Variants in GRIA1 observed in about 807,000 individuals in gnomAD.
The protein encoded by GRIA1 is glutamate receptor 1.
Under a neutral mutation model 99.2 loss-of-function variants are expected in GRIA1, and 31 were observed. That is an observed-to-expected ratio of 0.31 (90% confidence interval 0.23 to 0.42). GRIA1 has a LOEUF of 0.42. Among genes scored for constraint, GRIA1 ranks in the 10% least tolerant of loss-of-function variants. The pLI is 1.00. For synonymous variants in GRIA1, 438 were observed against 432.4 expected (o/e 1.01, Z -0.16); for missense variants, 782 against 1,157.5 (o/e 0.68, Z 4.71).
At position 153,796,995 on chromosome 5, in the gene GRIA1, T is replaced by G. The variant is rs770829717; in HGVS notation, c.2385+2260T>G. ...TTGGCCATCTGGAAGGACCTGGGAA[T>G]TCACACAATGATGCTCTGCTCCGCT... On this transcript the variant is annotated intron_variant, in intron 14 of 15. Coordinates refer to ENST00000285900, the MANE Select transcript of GRIA1 (RefSeq NM_000827.4). 5.0e-4 allele frequency among the ~76,000 whole-genome samples: 76 copies of G among 152,178 alleles called. 1 individual carries two copies. The highest frequency in any genetic ancestry group is 3.8e-3 in the Admixed American group (58 of 15,288).
chr5:153,751,841 C>T (rs1332872900), intron 11 of GRIA1, among the ~76,000 whole-genome samples: 11 of 152,190 alleles, frequency 7.2e-5, no homozygotes, highest in African/African-American at 2.7e-4. Flanking sequence ...AAAAAAGATC[C>T]TTTGCAAAAA....
At chr5:153,505,006 C>T (rs1483812389) in intron 2 of GRIA1, among the ~76,000 whole-genome samples, 1 of 152,158 alleles carries the variant, frequency 6.6e-6, no homozygotes, top group East Asian at 1.9e-4. Context: ...TAGTTTTTGG[C>T]AGGAACGAAA....
At chr5:153,715,694 G>A (rs889160513) in intron 11 of GRIA1, among the ~76,000 whole-genome samples, 1 of 152,090 alleles carries the variant, frequency 6.6e-6, no homozygotes, top group African/African-American at 2.4e-5. Context: ...ACCTCTCTGA[G>A]GGCATCTTAA....
At chr5:153,614,057 A>G (rs147619063) in intron 2 of GRIA1, among the ~76,000 whole-genome samples, 116 of 152,260 alleles carry the variant, frequency 7.6e-4, no homozygotes, top group Non-Finnish European at 1.4e-3. Flanking sequence ...ACAGTTTTTC[A>G]TACATAGGTG....
At chr5:153,796,885 A>G (rs1467830385) in intron 14 of GRIA1, among the ~76,000 whole-genome samples, 1 of 146,948 alleles carries the variant, frequency 6.8e-6, no homozygotes, top group Non-Finnish European at 1.5e-5. Context: ...TCTTTCCCCT[A>G]CTGTCAGCAA....
chr5:153,617,576 AG>A (rs1243542403), intron 2 of GRIA1, among the ~76,000 whole-genome samples: 1 of 152,180 alleles, frequency 6.6e-6, no homozygotes, highest in African/African-American at 2.4e-5. Context: ...GACTGGGATT[AG>A]GGAGAATTGG....
chr5:153,739,205 T>C (rs957705520), intron 11 of GRIA1, among the ~76,000 whole-genome samples: 1 of 152,160 alleles, frequency 6.6e-6, no homozygotes, highest in Non-Finnish European at 1.5e-5. Context: ...CCCTGCACCT[T>C]TCCACCAAGG....
chr5:153,538,320 A>T (rs1166207792), intron 2 of GRIA1, among the ~76,000 whole-genome samples: 2 of 152,184 alleles, frequency 1.3e-5, no homozygotes, highest in African/African-American at 4.8e-5. Context: ...TTACTTATTT[A>T]AAGTGTATAT....
In GRIA1 at chr5:153,804,439, C is replaced by T. The variant is rs548075564; in HGVS notation, c.2520+1949C>T. Among the ~76,000 whole-genome samples the T allele has an allele frequency of 5.9e-5, 9 of 152,122 alleles. No homozygotes were observed. The South Asian group carries it at 1.0e-3, about 18-fold the overall frequency. The stretch of plus-strand genomic sequence containing the variant: ...CCTCCAAAATGAGGAAAGGTTACTC[C>T]GGTGGCAAAAAAGGGGAACAGGACA... On this transcript the variant is annotated intron_variant, in intron 15 of 15. Transcript: ENST00000285900.
At chr5:153,740,479 G>A (rs890592815) in intron 11 of GRIA1, among the ~76,000 whole-genome samples, 1 of 152,182 alleles carries the variant, frequency 6.6e-6, no homozygotes, top group Non-Finnish European at 1.5e-5. Flanking sequence ...AAGGATAGAA[G>A]GACAGTTGAG....
intron 13 of GRIA1, among the ~76,000 whole-genome samples, chr5:153,774,606 C>A (rs2149625577): frequency 6.6e-6 from 1 of 152,324 alleles, no homozygotes; most frequent in Non-Finnish European, 1.5e-5. Flanking sequence ...ACCTTTCTGG[C>A]TGTCCTCCTC....
chr5:153,616,434 C>T (rs980875307), intron 2 of GRIA1, among the ~76,000 whole-genome samples: 19 of 151,958 alleles, frequency 1.3e-4, no homozygotes, highest in African/African-American at 4.3e-4. Context: ...TTGTCTTGGG[C>T]CACACATAAA....
chr5:153,529,120 G>A (rs1041021179), intron 2 of GRIA1, among the ~76,000 whole-genome samples: 3 of 152,172 alleles, frequency 2.0e-5, no homozygotes, highest in Non-Finnish European at 4.4e-5. Flanking sequence ...CTGTTGTATT[G>A]ACTTAGCTGT....
chr5:153,805,627 A>G (rs981681401), intron 15 of GRIA1, among the ~76,000 whole-genome samples: 1 of 152,198 alleles, frequency 6.6e-6, no homozygotes, highest in African/African-American at 2.4e-5. Context: ...CCCAATAATC[A>G]TAACCAGTGC....
chr5:153,722,899 C>T (rs1760182359), intron 11 of GRIA1, among the ~76,000 whole-genome samples: 1 of 152,106 alleles, frequency 6.6e-6, no homozygotes, highest in African/African-American at 2.4e-5. Flanking sequence ...TGGAAGAAAT[C>T]AATAACAGAC....
At chr5:153,706,146 G>T in intron 11 of GRIA1, 79 bp downstream of exon 11, 3 of 751,786 alleles carry the variant, frequency 4.0e-6, no homozygotes, top group South Asian at 1.9e-5. Flanking sequence ...TTTAAATACT[G>T]AAAAGTAAAG....
chr5:153,496,824 G>C (rs999987996), intron 2 of GRIA1, among the ~76,000 whole-genome samples: 77 of 152,196 alleles, frequency 5.1e-4, no homozygotes, highest in African/African-American at 1.7e-3. Context: ...TGAATTAGTA[G>C]TTGCCTTAAA....
At chr5:153,638,972 A>G (rs1753588356) in intron 2 of GRIA1, among the ~76,000 whole-genome samples, 2 of 152,212 alleles carry the variant, frequency 1.3e-5, no homozygotes, top group Non-Finnish European at 2.9e-5. Flanking sequence ...AGGCTGGAGC[A>G]GGGGCATGAG....
intron 15 of GRIA1, among the ~76,000 whole-genome samples, chr5:153,805,004 G>A (rs757156212): frequency 6.6e-5 from 10 of 151,788 alleles, no homozygotes; most frequent in Non-Finnish European, 1.2e-4. Flanking sequence ...CACCCACCTC[G>A]GCCTTCCAAA....
Sources: allele counts gnomAD v4.1 joint callset (sites outside exome capture counted in the v4.1 genomes callset), GRCh38; gene constraint gnomAD v4.1.1; transcripts MANE v1.5; gene names NCBI Gene and HGNC (gene_info 2026-07-23, HGNC 2026-07-21).